Variants in ASTN2 observed in about 807,000 individuals in gnomAD.
ASTN2 encodes the protein astrotactin 2.
A neutral mutation model predicts 139.8 loss-of-function variants in ASTN2; 54 were observed. That is an observed-to-expected ratio of 0.39 (90% confidence interval 0.31 to 0.48). ASTN2 has a LOEUF of 0.48. Among genes scored for constraint, ASTN2 ranks in the 20% least tolerant of loss-of-function variants. The pLI, the probability that ASTN2 is intolerant of heterozygous loss-of-function variation, is 0.95. For synonymous variants in ASTN2, 756 were observed against 719.5 expected (o/e 1.05, Z -0.81); for missense variants, 1,565 against 1,725.1 (o/e 0.91, Z 1.64).
Position 117,181,098 on chromosome 9 carries a change from A to G in ASTN2, c.1015+33260T>C, listed in dbSNP as rs1588048161. ...TCCATGGTCCCTTAAAGCAACCCAT[A>G]CAACAAACAGGCTGCATACACTACC... On this transcript the variant is annotated intron_variant, in intron 3 of 22. Transcript: ENST00000313400. 7.8e-6 allele frequency: 8 copies of G among 1,026,078 alleles called. No individual in the cohort carries two copies. The East Asian group carries it at 1.4e-4, about 18-fold the overall frequency. The allele number at this position is 1,026,078 out of a possible 1,614,324, so 63.6% of individuals were successfully genotyped here.
chr9:117,025,244 C>A (rs1005310045), intron 6 of ASTN2, among the ~76,000 whole-genome samples: 3 of 152,140 alleles, frequency 2.0e-5, no homozygotes, highest in African/African-American at 7.2e-5. Context: ...GGAGAATGGG[C>A]TAAGATTAGG....
At chr9:117,132,344 T>C (rs1299941130) in intron 4 of ASTN2, among the ~76,000 whole-genome samples, 6 of 152,198 alleles carry the variant, frequency 3.9e-5, no homozygotes, top group Non-Finnish European at 7.3e-5. Flanking sequence ...GCTAAATAAA[T>C]GGGTGCTATT....
intron 11 of ASTN2, among the ~76,000 whole-genome samples, chr9:116,835,552 G>A (rs181204383): frequency 6.6e-6 from 1 of 152,046 alleles, no homozygotes; most frequent in Non-Finnish European, 1.5e-5. Flanking sequence ...AAGGAACTTT[G>A]GTCTCCACAA....
At chr9:117,059,564 G>A (rs1839178132) in intron 5 of ASTN2, among the ~76,000 whole-genome samples, 1 of 152,046 alleles carries the variant, frequency 6.6e-6, no homozygotes, top group Non-Finnish European at 1.5e-5. Flanking sequence ...AGTGAGCCGA[G>A]ATCATGCCAC....
chr9:117,094,228 G>A (rs901261044), intron 5 of ASTN2, among the ~76,000 whole-genome samples: 4 of 145,204 alleles, frequency 2.8e-5, no homozygotes, highest in African/African-American at 1.1e-4. Context: ...AAAGGAAAGA[G>A]GGAAGAAGGG....
At chr9:116,820,123 G>C (rs1831445004) in intron 12 of ASTN2, among the ~76,000 whole-genome samples, 2 of 152,148 alleles carry the variant, frequency 1.3e-5, no homozygotes. Flanking sequence ...CCAGTTAATT[G>C]TCCTTACAGA....
intron 10 of ASTN2, among the ~76,000 whole-genome samples, chr9:116,910,547 A>T (rs1267252785): frequency 6.6e-6 from 1 of 152,214 alleles, no homozygotes; most frequent in Non-Finnish European, 1.5e-5. Flanking sequence ...CATCTTTAAC[A>T]TTCTGCAATC....
chr9:116,499,361 C>T (rs987003007), intron 19 of ASTN2, among the ~76,000 whole-genome samples: 2 of 152,102 alleles, frequency 1.3e-5, no homozygotes, highest in African/African-American at 4.8e-5. Flanking sequence ...ATGACTCAGT[C>T]AAGGTTTTGT....
intron 2 of ASTN2, among the ~76,000 whole-genome samples, chr9:117,237,621 A>T (rs1833083416): frequency 6.6e-6 from 1 of 152,146 alleles, no homozygotes; most frequent in African/African-American, 2.4e-5. Context: ...CTGGGACTAC[A>T]GGTGCATGCC....
chr9:117,037,244 C>T (rs1838410814), intron 6 of ASTN2, among the ~76,000 whole-genome samples: 1 of 152,008 alleles, frequency 6.6e-6, no homozygotes, highest in Admixed American at 6.6e-5. Flanking sequence ...ACATTGGGCA[C>T]ACCGAGAAAG....
At chr9:117,353,763 C>G (rs546811694) in intron 1 of ASTN2, among the ~76,000 whole-genome samples, 1 of 152,088 alleles carries the variant, frequency 6.6e-6, no homozygotes, top group Non-Finnish European at 1.5e-5. Context: ...TAAATACGAC[C>G]CTTAAATGCA....
In ASTN2 at chr9:116,511,405, C is replaced by A. The variant is rs1256872021; in HGVS notation, c.3356-23905G>T. Among the ~76,000 whole-genome samples, 7 of 152,068 alleles carry A rather than the reference C, an allele frequency of 4.6e-5. No individual in the cohort carries two copies. In the East Asian group the frequency reaches 1.3e-3, roughly 29 times the overall value. ...TGATGTGCTGCTGAATTCGGTTTCC[C>A]AGTATTTTATTGAGGATTTTTGCAT... On this transcript the variant is annotated intron_variant, in intron 19 of 22. Coordinates refer to ENST00000313400, the MANE Select transcript of ASTN2 (RefSeq NM_001365068.1).
At chr9:116,658,733 C>CTT (rs71502074) in intron 16 of ASTN2, among the ~76,000 whole-genome samples, 11,555 of 98,942 alleles carry the variant, frequency 0.12, 958 homozygotes, top group East Asian at 0.15. Context: ...GACCACCGCT[C>CTT]TTTTTTTTTT....
At chr9:116,881,623 G>A (rs1035766977) in intron 10 of ASTN2, among the ~76,000 whole-genome samples, 1 of 152,212 alleles carries the variant, frequency 6.6e-6, no homozygotes, top group African/African-American at 2.4e-5. Context: ...CCCTTTTACT[G>A]CACTTCTCCA....
intron 7 of ASTN2, among the ~76,000 whole-genome samples, chr9:116,984,460 A>T (rs1323183051): frequency 2.0e-5 from 3 of 152,032 alleles, no homozygotes; most frequent in Non-Finnish European, 2.9e-5. Context: ...TTATGCTCCA[A>T]TTTTTTCTGA....
chr9:117,389,152 A>C (rs1283645417), intron 1 of ASTN2, among the ~76,000 whole-genome samples: 1 of 152,204 alleles, frequency 6.6e-6, no homozygotes, highest in Admixed American at 6.5e-5. Context: ...CCCTTTGCTC[A>C]CAATCCAAGC....
chr9:116,716,367 A>C (rs2132103424), intron 16 of ASTN2, among the ~76,000 whole-genome samples: 1 of 152,298 alleles, frequency 6.6e-6, no homozygotes, highest in Non-Finnish European at 1.5e-5. Flanking sequence ...AGGCTTTGGC[A>C]ACAGGTAGTC....
intron 19 of ASTN2, among the ~76,000 whole-genome samples, chr9:116,550,316 T>C (rs1587984056): frequency 6.6e-6 from 1 of 152,340 alleles, no homozygotes; most frequent in Non-Finnish European, 1.5e-5. Context: ...AGTATCTTCA[T>C]CTGCAATATA....
chr9:116,452,091 T>C (rs1848194085), intron 20 of ASTN2, among the ~76,000 whole-genome samples: 1 of 152,200 alleles, frequency 6.6e-6, no homozygotes, highest in Non-Finnish European at 1.5e-5. Flanking sequence ...TTTAATATGC[T>C]GTTTTAGGGT....
Sources: gnomAD v4.1 joint callset for allele counts (sites outside exome capture counted in the v4.1 genomes callset) on GRCh38, gnomAD v4.1.1 for gene constraint, MANE v1.5 for transcripts, NCBI Gene and HGNC (gene_info 2026-07-23, HGNC 2026-07-21) for gene names.